CRYL1: variants seen among roughly 807,000 people sequenced by gnomAD.
CRYL1 encodes crystallin lambda 1.
A neutral mutation model predicts 36.6 loss-of-function variants in CRYL1; 29 were observed. That is an observed-to-expected ratio of 0.79 (90% CI 0.59 to 1.08). CRYL1 has a LOEUF of 1.08. Among genes scored for constraint, CRYL1 ranks in the 50% least tolerant of loss-of-function variants. The pLI is 0.00. For missense variants in CRYL1, 411 were observed against 407.9 expected (o/e 1.01, Z -0.06); for synonymous variants, 152 against 151.5 (o/e 1.00, Z -0.02).
intron 6 of CRYL1, among the ~76,000 whole-genome samples, chr13:20,411,208 C>A (rs1232124499): frequency 1.3e-5 from 2 of 152,190 alleles, no homozygotes; most frequent in Non-Finnish European, 2.9e-5. Flanking sequence ...GGGTTCCCAG[C>A]CAGATCTTAT....
chr13:20,455,995 T>C (rs868763927), intron 3 of CRYL1, among the ~76,000 whole-genome samples: 4 of 152,162 alleles, frequency 2.6e-5, no homozygotes, highest in South Asian at 2.1e-4. Flanking sequence ...GGGGAAAAGA[T>C]AGGGTTCAAC....
chr13:20,505,590 T>C (rs564170410), intron 2 of CRYL1, among the ~76,000 whole-genome samples: 89 of 152,208 alleles, frequency 5.8e-4, no homozygotes, highest in Middle Eastern at 3.4e-3. Flanking sequence ...TCTGCGTCCA[T>C]AATGGCTAGT....
In CRYL1 at chr13:20,481,989, G is replaced by A. The variant is rs1272847364; in HGVS notation, c.276+7381C>T. On this transcript the variant is annotated intron_variant, in intron 3 of 7. Transcript: ENST00000298248. The surrounding 1 kb of genome is among the most constrained non-coding windows in gnomAD (Gnocchi z 4.1). The stretch of plus-strand genomic sequence containing the variant: ...TCGCACATTCCCGAATATTCTCAGG[G>A]CTGGCCATCCCATGTGTCCAATGCT... Among the ~76,000 whole-genome samples the A allele has an allele frequency of 1.3e-5, 2 of 152,076 alleles. No homozygotes were observed. The highest frequency in any genetic ancestry group is 4.8e-5 in the African/African-American group (2 of 41,416).
chr13:20,422,686 C>G lies in CRYL1; in HGVS notation c.634-9299G>C, dbSNP rs917332345. 2.0e-5 allele frequency among the ~76,000 whole-genome samples: 3 copies of G among 152,206 alleles called. No homozygotes were observed. The East Asian group carries it at 5.8e-4, about 29-fold the overall frequency. On this transcript the variant is annotated intron_variant, in intron 5 of 7. Transcript: ENST00000298248. Reference sequence around the variant, plus strand: ...GCCATTTCTCTGCCAAAGCCACCAGCCTTTCTGGAAAAGTCTTGCACTCCT... The same window carrying G: ...GCCATTTCTCTGCCAAAGCCACCAGGCTTTCTGGAAAAGTCTTGCACTCCT...
intron 3 of CRYL1, among the ~76,000 whole-genome samples, chr13:20,453,236 C>A (rs1055641317): frequency 6.6e-6 from 1 of 152,014 alleles, no homozygotes; most frequent in African/African-American, 2.4e-5. Flanking sequence ...GAATAGAAAT[C>A]AAACAAAGTA....
chr13:20,419,192 C>T (rs958282976), intron 5 of CRYL1: 2 of 152,196 alleles, frequency 1.3e-5, no homozygotes, highest in Middle Eastern at 3.2e-3. Flanking sequence ...AGAAGTAACT[C>T]GAGCATGAGC....
chr13:20,490,392 G>GA (rs1376939377), intron 2 of CRYL1, among the ~76,000 whole-genome samples: 1 of 151,968 alleles, frequency 6.6e-6, no homozygotes, highest in Non-Finnish European at 1.5e-5. Flanking sequence ...ACTCTGTCTT[G>GA]AAAAAATAAT....
At chr13:20,493,585 G>A (rs1313178234) in intron 2 of CRYL1, among the ~76,000 whole-genome samples, 1 of 152,114 alleles carries the variant, frequency 6.6e-6, no homozygotes, top group African/African-American at 2.4e-5. Context: ...ACTTGAACCT[G>A]GGAGGTGGAT....
At chr13:20,427,123 A>G in intron 5 of CRYL1, 6 of 985,488 alleles carry the variant, frequency 6.1e-6, no homozygotes, top group Non-Finnish European at 7.2e-6. Flanking sequence ...TCACAACACA[A>G]TGTCCTTCAT....
intron 5 of CRYL1, among the ~76,000 whole-genome samples, chr13:20,414,279 A>C (rs2031601992): frequency 6.7e-6 from 1 of 150,150 alleles, no homozygotes; most frequent in African/African-American, 2.5e-5. Context: ...GTGTGTGTGA[A>C]ATGGTCAAAC....
intron 6 of CRYL1, among the ~76,000 whole-genome samples, chr13:20,405,555 CA>C (rs2137358622): frequency 6.6e-6 from 1 of 152,342 alleles, no homozygotes; most frequent in South Asian, 2.1e-4. Context: ...TGGGTACGGT[CA>C]AGGCTGCAGG....
At chr13:20,467,843 C>T (rs1052502528) in intron 3 of CRYL1, among the ~76,000 whole-genome samples, 1 of 152,156 alleles carries the variant, frequency 6.6e-6, no homozygotes, top group African/African-American at 2.4e-5. Context: ...CAGACTGGTA[C>T]CGGTCCCTGG....
Position 20,525,643 on chromosome 13 carries a change from CG to C in CRYL1, c.41+110del. 1.1e-6 allele frequency: 1 copy of C among 900,684 alleles called. No individual in the cohort carries two copies. The highest frequency in any genetic ancestry group is 1.5e-6 in the Non-Finnish European group (1 of 682,882). The allele number at this position is 900,684 out of a possible 1,614,324, so 55.8% of individuals were successfully genotyped here. A position where few individuals can be genotyped will look rare whatever the true frequency, so the allele number is the denominator to read the frequency against. On this transcript the variant is annotated intron_variant, in intron 1 of 7. Coordinates refer to ENST00000298248, the MANE Select transcript of CRYL1 (RefSeq NM_015974.3). The surrounding 1 kb of genome is among the most constrained non-coding windows in gnomAD (Gnocchi z 4.3). The stretch of plus-strand genomic sequence containing the variant: ...CGCAGGGCTTCGGAGGACCGGAGGC[CG>C]GGGCGGGGACAGCGACCCGGCGCCC...
chr13:20,462,183 TGG>T lies in CRYL1; in HGVS notation c.277-22431_277-22430del, dbSNP rs2032843089. Among the ~76,000 whole-genome samples the T allele has an allele frequency of 3.2e-3, 14 of 4,394 alleles. 1 individual carries two copies. The highest frequency in any genetic ancestry group is 0.031 in the Admixed American group (14 of 452). 2.9% of individuals were successfully genotyped at this position (4,394 alleles called of 152,430 possible). A position where few individuals can be genotyped will look rare whatever the true frequency, so the allele number is the denominator to read the frequency against. On this transcript the variant is annotated intron_variant, in intron 3 of 7. Transcript: ENST00000298248. ...GGGATAAGGTGGCAGGACGACCTAG[TGG>T]GAGGACGACCTAGTGGGAGGAGGGG...
intron 2 of CRYL1, among the ~76,000 whole-genome samples, chr13:20,512,147 C>T (rs1370920484): frequency 1.3e-5 from 2 of 152,222 alleles, no homozygotes; most frequent in African/African-American, 4.8e-5. Flanking sequence ...AAGCAGGAAA[C>T]CCCAGCCCTC....
chr13:20,408,211 C>CCCTCA (rs1213167085), intron 6 of CRYL1, among the ~76,000 whole-genome samples: 3 of 152,114 alleles, frequency 2.0e-5, no homozygotes, highest in Non-Finnish European at 2.9e-5. Context: ...CGACCCGGGC[C>CCCTCA]CCTCACCTCA....
At chr13:20,419,720 A>G (rs928169702) in intron 5 of CRYL1, among the ~76,000 whole-genome samples, 1 of 152,190 alleles carries the variant, frequency 6.6e-6, no homozygotes, top group Non-Finnish European at 1.5e-5. Flanking sequence ...GCCTAGATTA[A>G]GTTTATATTG....
chr13:20,511,230 T>C (rs1300020861), intron 2 of CRYL1, among the ~76,000 whole-genome samples: 1 of 151,998 alleles, frequency 6.6e-6, no homozygotes, highest in Admixed American at 6.6e-5. Flanking sequence ...GACTACTATC[T>C]AGGTGGGTGC....
chr13:20,405,228 G>T (rs918208174), intron 6 of CRYL1, among the ~76,000 whole-genome samples: 1 of 151,358 alleles, frequency 6.6e-6, no homozygotes, highest in African/African-American at 2.4e-5. Context: ...CTGAGATCGC[G>T]CCACTGTACT....
Sources: gnomAD v4.1 joint callset for allele counts (sites outside exome capture counted in the v4.1 genomes callset) on GRCh38, gnomAD v4.1.1 for gene constraint, Gnocchi (gnomAD v3.1) non-coding constraint, MANE v1.5 for transcripts, NCBI Gene and HGNC (gene_info 2026-07-23, HGNC 2026-07-21) for gene names.